CPNE4: variants seen among roughly 807,000 people sequenced by gnomAD.
The protein encoded by CPNE4 is copine 4.
Under a neutral mutation model 67.9 loss-of-function variants are expected in CPNE4, and 25 were observed. The observed-to-expected ratio is 0.37, with a 90% confidence interval of 0.27 to 0.51. The LOEUF is 0.51. Among genes scored for constraint, CPNE4 ranks in the 20% least tolerant of loss-of-function variants. The pLI is 0.93. For synonymous variants in CPNE4, 242 were observed against 244.9 expected, an observed-to-expected ratio of 0.99 and a Z score of 0.11; for missense variants, 464 against 690.8, an observed-to-expected ratio of 0.67 and a Z score of 3.68.
At chr3:131,953,239 T>TAA (rs1167094357) in intron 1 of CPNE4, among the ~76,000 whole-genome samples, 1,397 of 96,752 alleles carry the variant, frequency 0.014, 72 homozygotes, top group Non-Finnish European at 0.021. Flanking sequence ...AATGATCAAT[T>TAA]AAAAAAAAAA....
chr3:131,795,257 A>G (rs1342860629), intron 2 of CPNE4, among the ~76,000 whole-genome samples: 1 of 152,204 alleles, frequency 6.6e-6, no homozygotes, highest in Non-Finnish European at 1.5e-5. Context: ...AGAATTACAG[A>G]GTGAGAGGCA....
rs777365108 is a variant in CPNE4 at position 131,669,731 on chromosome 3, A to T, written c.625T>A (p.Ser209Thr). 1 of 1,613,788 alleles carries T rather than the reference A, an allele frequency of 6.2e-7. No homozygotes were observed. Among genetic ancestry groups the T allele is most frequent in the African/African-American group, 1.3e-5 (1 of 74,904 alleles). ...VMNNLSPAWKSFKVSVNSLCS... is the reference protein window; with the variant it reads ...VMNNLSPAWKTFKVSVNSLCS... ...AGAGAATTTACAGATACTTTGAATG[A>T]TTTCCAGGCTGGGCTTAAGTTATTC... The change falls in exon 7 of 16, where the codon TCA (serine) becomes ACA (threonine). Residue 209 changes from serine to threonine, a missense_variant. Around this residue, in one of 6 missense-constraint regions of CPNE4, gnomAD observed 58 missense variants for 63.5 expected, o/e 0.91. Coordinates refer to ENST00000429747, the MANE Select transcript of CPNE4 (RefSeq NM_130808.3).
intron 1 of CPNE4, among the ~76,000 whole-genome samples, chr3:132,009,571 G>A (rs58051861): frequency 0.046 from 7,080 of 152,268 alleles, 549 homozygotes; most frequent in African/African-American, 0.16. Context: ...GAAGATGCCA[G>A]CAAGGTGAAG....
At chr3:131,831,684 A>C (rs148439073) in intron 2 of CPNE4, among the ~76,000 whole-genome samples, 11 of 152,296 alleles carry the variant, frequency 7.2e-5, no homozygotes, top group Non-Finnish European at 1.5e-4. Context: ...AAAAAATTTT[A>C]AGGGATAACT....
intron 7 of CPNE4, among the ~76,000 whole-genome samples, chr3:131,640,253 G>A (rs1352297093): frequency 6.6e-6 from 1 of 152,028 alleles, no homozygotes; most frequent in Non-Finnish European, 1.5e-5. Flanking sequence ...TGTATACCTA[G>A]GAAACCCTAT....
At chr3:131,696,237 T>G (rs561595322) in intron 5 of CPNE4, among the ~76,000 whole-genome samples, 1 of 152,198 alleles carries the variant, frequency 6.6e-6, no homozygotes, top group South Asian at 2.1e-4. Flanking sequence ...CTTTCATATC[T>G]TCTCCTCTCC....
At chr3:132,016,850 A>C (rs1583602174) in intron 1 of CPNE4, among the ~76,000 whole-genome samples, 2 of 152,334 alleles carry the variant, frequency 1.3e-5, no homozygotes, top group East Asian at 3.9e-4. Context: ...CTGTTTGGTG[A>C]CATCATGTAA....
intron 1 of CPNE4, among the ~76,000 whole-genome samples, chr3:131,968,650 A>G (rs2072423062): frequency 6.6e-6 from 1 of 152,208 alleles, no homozygotes; most frequent in African/African-American, 2.4e-5. Context: ...CAAAACCACA[A>G]TGACATACCA....
intron 11 of CPNE4, among the ~76,000 whole-genome samples, chr3:131,559,200 T>C (rs992497863): frequency 6.6e-6 from 1 of 152,078 alleles, no homozygotes; most frequent in African/African-American, 2.4e-5. Flanking sequence ...GAAAACGTTT[T>C]GATGATTGGC....
At chr3:131,615,129 G>A (rs1289130491) in intron 7 of CPNE4, among the ~76,000 whole-genome samples, 3 of 152,158 alleles carry the variant, frequency 2.0e-5, no homozygotes, top group Admixed American at 6.5e-5. Flanking sequence ...CTCAGATGAC[G>A]ATATGCTATT....
chr3:131,574,586 C>CT (rs1937501077), intron 10 of CPNE4, among the ~76,000 whole-genome samples: 1 of 152,142 alleles, frequency 6.6e-6, no homozygotes, highest in South Asian at 2.1e-4. Context: ...TGGAATTCAT[C>CT]TTTTCATTGC....
In CPNE4 at chr3:131,989,843, C is replaced by T. The variant is rs183769855; in HGVS notation, c.-2+44724G>A. 1.8e-4 allele frequency among the ~76,000 whole-genome samples: 25 copies of T among 135,992 alleles called. 2 individuals are homozygous for T. The highest frequency in any genetic ancestry group is 4.7e-4 in the African/African-American group (19 of 40,720). 89.2% of individuals were successfully genotyped at this position (135,992 alleles called of 152,430 possible). A position where few individuals can be genotyped will look rare whatever the true frequency, so the allele number is the denominator to read the frequency against. ...ACACGTAGTAGTACAGTGAGAATAA[C>T]GTTCTGGTGAGACCAGGGTGAGCAA... On this transcript the variant is annotated intron_variant, in intron 1 of 15. Coordinates refer to ENST00000429747, the MANE Select transcript of CPNE4 (RefSeq NM_130808.3).
At chr3:131,746,388 CT>C (rs1441010364) in intron 2 of CPNE4, among the ~76,000 whole-genome samples, 1 of 152,078 alleles carries the variant, frequency 6.6e-6, no homozygotes, top group Non-Finnish European at 1.5e-5. Context: ...CTATCTGTAA[CT>C]TTGTACTTGC....
intron 2 of CPNE4, among the ~76,000 whole-genome samples, chr3:131,772,019 T>C (rs1394965573): frequency 1.3e-5 from 2 of 152,114 alleles, no homozygotes; most frequent in Non-Finnish European, 2.9e-5. Context: ...ATCACAGCAC[T>C]CAGTATCCAT....
intron 2 of CPNE4, among the ~76,000 whole-genome samples, chr3:131,724,378 C>T (rs528922003): frequency 6.5e-4 from 99 of 152,238 alleles, no homozygotes; most frequent in South Asian, 1.2e-3. Flanking sequence ...CTCTAACATT[C>T]CATGAGCTAT....
chr3:131,878,377 C>A (rs1212410184), intron 2 of CPNE4, among the ~76,000 whole-genome samples: 1 of 151,884 alleles, frequency 6.6e-6, no homozygotes, highest in South Asian at 2.1e-4. Context: ...AGAGCACATG[C>A]GGTATGATAT....
chr3:131,958,754 G>T (rs1393162391), intron 1 of CPNE4, among the ~76,000 whole-genome samples: 2 of 150,776 alleles, frequency 1.3e-5, no homozygotes, highest in African/African-American at 4.9e-5. Flanking sequence ...CACCTCTCAG[G>T]TTCAAGCAAT....
At chr3:131,572,579 G>A (rs1477391236) in intron 10 of CPNE4, among the ~76,000 whole-genome samples, 1 of 151,974 alleles carries the variant, frequency 6.6e-6, no homozygotes. Flanking sequence ...TTGCTTCCTG[G>A]GGCACAGAAG....
intron 1 of CPNE4, among the ~76,000 whole-genome samples, chr3:131,911,585 G>GTGTGTA (rs2088978545): frequency 7.4e-6 from 1 of 135,946 alleles, no homozygotes; most frequent in Admixed American, 7.4e-5. Context: ...GTGTGTGTGT[G>GTGTGTA]TAAACTCCTT....
Sources: allele counts gnomAD v4.1 joint callset (sites outside exome capture counted in the v4.1 genomes callset), GRCh38; gene constraint gnomAD v4.1.1; regional missense constraint gnomAD v4.1.1; transcripts MANE v1.5; gene names NCBI Gene and HGNC (gene_info 2026-07-23, HGNC 2026-07-21).